The following TFEC variants were observed in gnomAD, a reference collection of about 807,000 sequenced individuals.
TFEC encodes transcription factor EC.
TFEC carries 31 observed loss-of-function variants against 41.6 expected under a neutral mutation model. The observed-to-expected ratio is 0.74, with a 90% confidence interval of 0.56 to 1.01. TFEC has a LOEUF of 1.01. Among genes scored for constraint, TFEC ranks in the 50% least tolerant of loss-of-function variants. The pLI is 0.00. For missense variants in TFEC, 402 were observed against 404.1 expected (o/e 0.99, Z 0.04); for synonymous variants, 143 against 140.6 (o/e 1.02, Z -0.12).
chr7:116,110,848 C>G, exon 3 of TFEC: 1 of 1,545,386 alleles, frequency 6.5e-7, no homozygotes, highest in Non-Finnish European at 8.7e-7. Flanking sequence ...AGTCTTCTCT[C>G]CTTTTCTCCT....
At chr7:116,021,956 C>CT (rs772971896) in intron 1 of TFEC, among the ~76,000 whole-genome samples, 76 of 150,384 alleles carry the variant, frequency 5.1e-4, no homozygotes, top group Non-Finnish European at 8.6e-4. Flanking sequence ...AATAAGGGCT[C>CT]CCCCCAGAGT....
At chr7:116,094,032 C>G (rs1426069009) in intron 3 of TFEC, among the ~76,000 whole-genome samples, 1 of 152,076 alleles carries the variant, frequency 6.6e-6, no homozygotes, top group Non-Finnish European at 1.5e-5. Flanking sequence ...AAAACAAAAC[C>G]ACAAGAAGAA....
intron 1 of TFEC, among the ~76,000 whole-genome samples, chr7:116,115,841 T>A (rs753232861): frequency 6.6e-6 from 1 of 151,998 alleles, no homozygotes; most frequent in Non-Finnish European, 1.5e-5. Flanking sequence ...GAGTGCTTTT[T>A]ATATGCCGGA....
At chr7:115,997,298 A>G (rs1222314934) in intron 1 of TFEC, among the ~76,000 whole-genome samples, 2 of 152,178 alleles carry the variant, frequency 1.3e-5, no homozygotes, top group Non-Finnish European at 2.9e-5. Context: ...CGTGCCAGAC[A>G]ACACAGAGAA....
chr7:116,012,941 AT>A (rs1795057005), intron 1 of TFEC, among the ~76,000 whole-genome samples: 1 of 151,908 alleles, frequency 6.6e-6, no homozygotes. Flanking sequence ...TAATGAAGTC[AT>A]TTTTATCATA....
chr7:115,980,260 C>G (rs1033026130), intron 2 of TFEC, among the ~76,000 whole-genome samples: 1 of 152,166 alleles, frequency 6.6e-6, no homozygotes, highest in African/African-American at 2.4e-5. Context: ...GCTTCTCTCT[C>G]TACTGTCCAT....
At chr7:116,080,500 C>A (rs566993435) in intron 3 of TFEC, among the ~76,000 whole-genome samples, 9 of 151,548 alleles carry the variant, frequency 5.9e-5, no homozygotes, top group East Asian at 1.9e-4. Context: ...ACAACAACAA[C>A]AAAAAACATT....
chr7:115,987,997 T>C (rs1793934677), intron 1 of TFEC, among the ~76,000 whole-genome samples: 1 of 152,162 alleles, frequency 6.6e-6, no homozygotes, highest in Admixed American at 6.5e-5. Flanking sequence ...TTTAAAACAA[T>C]AAGTAAATCA....
At chr7:116,071,683 T>C (rs927014374) in intron 3 of TFEC, among the ~76,000 whole-genome samples, 3 of 151,428 alleles carry the variant, frequency 2.0e-5, no homozygotes, top group Admixed American at 6.6e-5. Flanking sequence ...AAAGAAATCC[T>C]GCAGTTGCCC....
chr7:115,970,089 C>G (rs1373162334), intron 3 of TFEC, among the ~76,000 whole-genome samples: 2 of 151,828 alleles, frequency 1.3e-5, no homozygotes, highest in African/African-American at 4.8e-5. Flanking sequence ...TTGATGTTAC[C>G]TATAGGACAT....
intron 1 of TFEC, among the ~76,000 whole-genome samples, chr7:115,999,411 C>T (rs1794500303): frequency 6.6e-6 from 1 of 151,776 alleles, no homozygotes; most frequent in South Asian, 2.1e-4. Flanking sequence ...AAATAAACAA[C>T]CTAACAATGC....
rs74446296 is a variant in TFEC, at chr7:115,987,164, G to C, written c.-72-2651C>G. 7.2e-5 allele frequency among the ~76,000 whole-genome samples: 11 copies of C among 152,292 alleles called. No homozygotes were observed. The East Asian group carries it at 1.2e-3, about 16-fold the overall frequency. On this transcript the variant is annotated intron_variant, in intron 1 of 7. Transcript: ENST00000265440. ...AATTACAAAAGTTTAGCAGGCAAGA[G>C]TGAGGACTGTGTTGGAAGCTATCTG...
chr7:116,052,399 A>C (rs897628628), intron 3 of TFEC, among the ~76,000 whole-genome samples: 2 of 152,160 alleles, frequency 1.3e-5, no homozygotes, highest in Non-Finnish European at 2.9e-5. Context: ...AGAAAAAGAA[A>C]AGAAACAAAA....
At chr7:116,130,541 C>CT (rs1271877897) in intron 1 of TFEC, among the ~76,000 whole-genome samples, 5 of 152,178 alleles carry the variant, frequency 3.3e-5, no homozygotes, top group Non-Finnish European at 4.4e-5. Flanking sequence ...TCCAGATAAT[C>CT]ATTCCAGTTA....
intron 1 of TFEC, among the ~76,000 whole-genome samples, chr7:116,132,362 AAG>A (rs1395369637): frequency 6.6e-6 from 1 of 152,190 alleles, no homozygotes; most frequent in Non-Finnish European, 1.5e-5. Context: ...GCATCAGGTA[AAG>A]TAGTTGGCTA....
rs1208790374 is a variant in TFEC, at chr7:115,937,381, T to A, written c.*3170A>T. On this transcript the variant is annotated 3_prime_UTR_variant, in exon 8 of 8. Transcript: ENST00000265440. Reference sequence around the variant, plus strand: ...CTTTTACTATTATGAAAAATCTCATTTCTGCAAGAAATATTCTAGAGAGTC... The same window carrying A: ...CTTTTACTATTATGAAAAATCTCATATCTGCAAGAAATATTCTAGAGAGTC... The A allele has an allele frequency of 6.6e-6, 1 of 151,712 alleles. No homozygotes were observed. Among genetic ancestry groups the A allele is most frequent in the East Asian group, 1.9e-4 (1 of 5,174 alleles). 9.4% of individuals were successfully genotyped at this position (151,712 alleles called of 1,614,324 possible).
At chr7:116,072,758 T>C (rs777794504) in intron 3 of TFEC, among the ~76,000 whole-genome samples, 1 of 151,574 alleles carries the variant, frequency 6.6e-6, no homozygotes, top group Admixed American at 6.6e-5. Flanking sequence ...TGACAAAATA[T>C]AGCACACTCT....
At chr7:116,074,323 C>T (rs1300263252) in intron 3 of TFEC, among the ~76,000 whole-genome samples, 4 of 151,662 alleles carry the variant, frequency 2.6e-5, no homozygotes, top group Non-Finnish European at 5.9e-5. Flanking sequence ...GAAAAGACAA[C>T]CCACATAATG....
At chr7:116,092,435 T>G (rs544020477) in intron 3 of TFEC, among the ~76,000 whole-genome samples, 4 of 152,126 alleles carry the variant, frequency 2.6e-5, no homozygotes, top group Non-Finnish European at 5.9e-5. Flanking sequence ...CTTTCGTGTA[T>G]TCCATTAATT....
Sources: gnomAD v4.1 joint callset for allele counts (sites outside exome capture counted in the v4.1 genomes callset) on GRCh38, gnomAD v4.1.1 for gene constraint, MANE v1.5 for transcripts, NCBI Gene and HGNC (gene_info 2026-07-23, HGNC 2026-07-21) for gene names.